The following WWC1 variants were observed in gnomAD, a reference collection of about 807,000 sequenced individuals.
WWC1 encodes protein KIBRA.
A neutral mutation model predicts 138.4 loss-of-function variants in WWC1; 55 were observed. The observed-to-expected ratio is 0.40, with a 90% CI of 0.32 to 0.50. The LOEUF is 0.50. WWC1 is among the 20% of genes least tolerant of loss of function. The pLI is 0.72. For missense variants in WWC1, 1,226 were observed against 1,420.4 expected (o/e 0.86, Z 2.20); for synonymous variants, 524 against 564.9 (o/e 0.93, Z 1.03).
chr5:168,355,899 A>G (rs1775367279), intron 1 of WWC1, among the ~76,000 whole-genome samples: 1 of 126,750 alleles, frequency 7.9e-6, no homozygotes, highest in Admixed American at 8.7e-5. Context: ...GGAGAGAGGC[A>G]GAGAGGGAAG....
intron 1 of WWC1, among the ~76,000 whole-genome samples, chr5:168,343,043 A>G (rs898826338): frequency 1.3e-5 from 2 of 151,962 alleles, no homozygotes; most frequent in African/African-American, 4.8e-5. Context: ...TTGTTTTATG[A>G]CCACCATCCA....
At chr5:168,360,541 G>C (rs1775807201) in intron 1 of WWC1, among the ~76,000 whole-genome samples, 2 of 152,172 alleles carry the variant, frequency 1.3e-5, no homozygotes, top group African/African-American at 4.8e-5. Flanking sequence ...TTTGGGACAG[G>C]TTGGCCAGGT....
chr5:168,325,080 C>T (rs1433584015), intron 1 of WWC1, among the ~76,000 whole-genome samples: 1 of 152,222 alleles, frequency 6.6e-6, no homozygotes, highest in Non-Finnish European at 1.5e-5. Flanking sequence ...TCTCCTTTGA[C>T]TCGCTGGCAA....
At chr5:168,384,982 T>C (rs1251050883) in intron 2 of WWC1, among the ~76,000 whole-genome samples, 1 of 152,236 alleles carries the variant, frequency 6.6e-6, no homozygotes, top group African/African-American at 2.4e-5. Context: ...CCTCCCAATG[T>C]GCTGGGATTA....
At chr5:168,324,401 C>T (rs191060402) in intron 1 of WWC1, among the ~76,000 whole-genome samples, 111 of 152,104 alleles carry the variant, frequency 7.3e-4, no homozygotes, top group African/African-American at 2.5e-3. Flanking sequence ...CCGCTATACT[C>T]CAGCTTGGGT....
At chr5:168,334,375 A>G (rs567239800) in intron 1 of WWC1, among the ~76,000 whole-genome samples, 3 of 152,160 alleles carry the variant, frequency 2.0e-5, no homozygotes, top group East Asian at 1.9e-4. Flanking sequence ...ACAGGTCTCG[A>G]GAGACATTGC....
At chr5:168,370,496 G>A (rs1776670068) in intron 1 of WWC1, among the ~76,000 whole-genome samples, 1 of 152,164 alleles carries the variant, frequency 6.6e-6, no homozygotes, top group South Asian at 2.1e-4. Context: ...TGGGCTTCCA[G>A]AATTGGGATT....
chr5:168,352,730 C>T lies in WWC1; in HGVS notation c.120-18694C>T, dbSNP rs889757425. ...TCCAAAGTAGTTGGGATTACAGATG[C>T]CCACGACCTTGCCCAGCTAATTTTT... On this transcript the variant is annotated intron_variant, in intron 1 of 22. Transcript: ENST00000265293. 7.2e-5 allele frequency among the ~76,000 whole-genome samples: 11 copies of T among 151,864 alleles called. 1 individual carries two copies. In the South Asian group the frequency reaches 2.3e-3, roughly 32 times the overall value.
intron 1 of WWC1, among the ~76,000 whole-genome samples, chr5:168,364,443 C>G (rs974023595): frequency 1.3e-5 from 2 of 152,196 alleles, no homozygotes; most frequent in African/African-American, 4.8e-5. Context: ...ACCTGTGGCT[C>G]AGGCCGCGGG....
At chr5:168,416,604 C>T (rs4976601) in intron 9 of WWC1, 82,943 of 152,080 alleles carry the variant, frequency 0.55, 24,300 homozygotes, top group East Asian at 0.77. Context: ...CACTGGGAAG[C>T]CCTTAGCTAT....
Position 168,408,499 on chromosome 5 carries a change from T to G in WWC1, c.721-8T>G. On this transcript the variant is annotated splice_region_variant and splice_polypyrimidine_tract_variant and intron_variant, in intron 6 of 22. Transcript: ENST00000265293. ...GCGCATCACTAACCCTGCTCTCCCCTCCTTCAGAGCCTTGCCATGTTGAAG... is the reference window on the plus strand; with the variant it reads ...GCGCATCACTAACCCTGCTCTCCCCGCCTTCAGAGCCTTGCCATGTTGAAG... The G allele has an allele frequency of 6.2e-7, 1 of 1,613,766 alleles. No homozygotes were observed. The highest frequency in any genetic ancestry group is 1.1e-5 in the South Asian group (1 of 91,014).
chr5:168,414,392 C>G lies in WWC1; in HGVS notation c.986C>G (p.Ala329Gly). ...CAGCTGGCCAAGCTTGACAGTGAGG[C>G]CTGGCCTGGGGTGCTGGACTCAGAG... Reference protein sequence around the residue: ...KIQLAKLDSEAWPGVLDSERD... With the variant: ...KIQLAKLDSEGWPGVLDSERD... The change falls in exon 9 of 23, where the codon GCC becomes GGC. Residue 329 changes from alanine (A) to glycine (G), a missense_variant. Ala to Gly is a moderately conservative substitution (Grantham distance 60). Transcript: ENST00000265293. The G allele has an allele frequency of 6.2e-7, 1 of 1,609,212 alleles. No homozygotes were observed. The highest frequency in any genetic ancestry group is 8.5e-7 in the Non-Finnish European group (1 of 1,177,850).
At chr5:168,425,767 G>A (rs953100087) in intron 11 of WWC1, among the ~76,000 whole-genome samples, 2 of 151,994 alleles carry the variant, frequency 1.3e-5, no homozygotes, top group African/African-American at 2.4e-5. Flanking sequence ...CCAAAGTGCT[G>A]GGATTACAGG....
At chr5:168,379,657 C>T (rs558652614) in intron 2 of WWC1, among the ~76,000 whole-genome samples, 1 of 152,314 alleles carries the variant, frequency 6.6e-6, no homozygotes, top group East Asian at 1.9e-4. Flanking sequence ...GCCTCGGCCT[C>T]CCAAAGTGCT....
chr5:168,321,430 T>C (rs1185884630), intron 1 of WWC1, among the ~76,000 whole-genome samples: 1 of 152,052 alleles, frequency 6.6e-6, no homozygotes, highest in Non-Finnish European at 1.5e-5. Flanking sequence ...CTGGTTAACC[T>C]CCTTCTCAGG....
At chr5:168,459,664 T>G (rs1756631251) in intron 19 of WWC1, among the ~76,000 whole-genome samples, 1 of 152,170 alleles carries the variant, frequency 6.6e-6, no homozygotes, top group South Asian at 2.1e-4. Context: ...CAGTGGCTAT[T>G]TCATCAGTCT....
At chr5:168,358,452 A>G (rs868595395) in intron 1 of WWC1, among the ~76,000 whole-genome samples, 8 of 152,270 alleles carry the variant, frequency 5.3e-5, no homozygotes, top group Middle Eastern at 6.8e-3. Context: ...TCCTGTAGCC[A>G]TCACTTTGTC....
At chr5:168,395,362 A>T (rs998152621) in intron 3 of WWC1, among the ~76,000 whole-genome samples, 1 of 152,182 alleles carries the variant, frequency 6.6e-6, no homozygotes, top group African/African-American at 2.4e-5. Context: ...TTATTGCCAC[A>T]CTGACGACTC....
In WWC1 at chr5:168,403,881, C is replaced by CACACACACAT. The variant is rs1432071003; in HGVS notation, c.591-2308_591-2307insTACACACACA. On this transcript the variant is annotated intron_variant, in intron 5 of 22. Coordinates refer to ENST00000265293, the MANE Select transcript of WWC1 (RefSeq NM_015238.3). ...CCTAAAACACATGCATACACACACA[C>CACACACACAT]ACACACACACACACACACACACACA... Among the ~76,000 whole-genome samples the CACACACACAT allele has an allele frequency of 1.6e-3, 233 of 150,072 alleles. 1 individual carries two copies. Among genetic ancestry groups the CACACACACAT allele is most frequent in the African/African-American group, 5.7e-3 (228 of 40,232 alleles).
Sources: gnomAD v4.1 joint callset for allele counts (sites outside exome capture counted in the v4.1 genomes callset) on GRCh38, gnomAD v4.1.1 for gene constraint, MANE v1.5 for transcripts, NCBI Gene and HGNC (gene_info 2026-07-23, HGNC 2026-07-21) for gene names.